WWOX: variants seen among roughly 807,000 people sequenced by gnomAD.
The protein encoded by WWOX is WW domain-containing oxidoreductase.
Under a neutral mutation model 46.2 loss-of-function variants are expected in WWOX, and 69 were observed. The ratio of observed to expected loss-of-function variants is 1.49; its 90% CI spans 1.23 to 1.82. The LOEUF (loss-of-function observed/expected upper bound fraction) is 1.82, where lower values mean the gene tolerates loss of function less well. Ranked by LOEUF, WWOX falls within the 40% of genes most tolerant of loss-of-function variation. The probability of loss-of-function intolerance (pLI) is 0.00; values close to 1 mark genes in which losing one functional copy is unlikely to be tolerated. For missense variants in WWOX, 919 were observed against 542.6 expected, an observed-to-expected ratio of 1.69 and a Z score of -6.89; for synonymous variants, 359 against 202.6, an observed-to-expected ratio of 1.77 and a Z score of -6.56.
Position 78,788,563 on chromosome 16 carries a change from C to T in WWOX, c.1056+355811C>T, listed in dbSNP as rs536778911. Reference sequence around the variant, plus strand: ...GCTGAAGACAAGGAGGTTCCTGGAGCGTGGCTGCCTAGGAAGGGCTGGAAA... The same window carrying T: ...GCTGAAGACAAGGAGGTTCCTGGAGTGTGGCTGCCTAGGAAGGGCTGGAAA... On this transcript the variant is annotated intron_variant, in intron 8 of 8. Coordinates refer to ENST00000566780, the MANE Select transcript of WWOX (RefSeq NM_016373.4). 2.6e-5 allele frequency among the ~76,000 whole-genome samples: 4 copies of T among 152,298 alleles called. No individual in the cohort carries two copies. In the South Asian group the frequency reaches 8.3e-4, roughly 32 times the overall value.
chr16:78,732,599 G>A (rs1167616718), intron 8 of WWOX, among the ~76,000 whole-genome samples: 2 of 152,012 alleles, frequency 1.3e-5, no homozygotes, highest in African/African-American at 2.4e-5. Context: ...GTGGTAACTG[G>A]GCTATGCTCT....
chr16:78,631,956 TA>T (rs1312671006), intron 8 of WWOX, among the ~76,000 whole-genome samples: 9 of 147,978 alleles, frequency 6.1e-5, no homozygotes, highest in Admixed American at 2.6e-4. Context: ...GGAGGTGGTT[TA>T]TTTTTTTTTA....
At chr16:78,828,797 C>G (rs976366627) in intron 8 of WWOX, among the ~76,000 whole-genome samples, 1 of 152,112 alleles carries the variant, frequency 6.6e-6, no homozygotes, top group African/African-American at 2.4e-5. Flanking sequence ...GCCATTTAGC[C>G]TCAGCTGGAT....
At chr16:79,002,651 T>C (rs534209637) in intron 8 of WWOX, among the ~76,000 whole-genome samples, 8 of 152,318 alleles carry the variant, frequency 5.3e-5, no homozygotes, top group African/African-American at 1.9e-4. Flanking sequence ...GTGCTTCACT[T>C]GTGTGATCTG....
chr16:78,485,028 C>G (rs770847402), intron 8 of WWOX, among the ~76,000 whole-genome samples: 4 of 151,998 alleles, frequency 2.6e-5, no homozygotes, highest in African/African-American at 7.2e-5. Flanking sequence ...CCCTTAGAAC[C>G]AAAGATGCCC....
At chr16:78,790,534 A>G (rs1004830540) in intron 8 of WWOX, among the ~76,000 whole-genome samples, 7 of 152,218 alleles carry the variant, frequency 4.6e-5, no homozygotes, top group African/African-American at 1.7e-4. Context: ...AAAAGAGACC[A>G]GTATCTACTA....
intron 6 of WWOX, among the ~76,000 whole-genome samples, chr16:78,399,753 C>T (rs930211033): frequency 1.3e-5 from 2 of 152,178 alleles, no homozygotes; most frequent in African/African-American, 2.4e-5. Flanking sequence ...CTCCTCTTAG[C>T]ATCCTAACCA....
In WWOX at chr16:78,122,898, C is replaced by A. The variant is rs1486004766; in HGVS notation, c.409+7744C>A. On this transcript the variant is annotated intron_variant, in intron 4 of 8. Coordinates refer to ENST00000566780, the MANE Select transcript of WWOX (RefSeq NM_016373.4). ...AGGATTACAGACACTAGCCACCATG[C>A]CCGGGGGTGTTGTACATATTTCCTT... Among the ~76,000 whole-genome samples the A allele has an allele frequency of 2.0e-5, 3 of 152,108 alleles. 1 individual carries two copies. Among genetic ancestry groups the A allele is most frequent in the African/African-American group, 7.2e-5 (3 of 41,400 alleles).
At chr16:79,174,961 C>T (rs2050771434) in intron 8 of WWOX, among the ~76,000 whole-genome samples, 1 of 152,164 alleles carries the variant, frequency 6.6e-6, no homozygotes, top group African/African-American at 2.4e-5. Flanking sequence ...GGTATTCTTA[C>T]CTGGATGTGT....
At position 78,933,927 on chromosome 16, in the gene WWOX, C is replaced by T. The variant is rs149699255; in HGVS notation, c.1057-277681C>T. On this transcript the variant is annotated intron_variant, in intron 8 of 8. Coordinates refer to ENST00000566780, the MANE Select transcript of WWOX (RefSeq NM_016373.4). The stretch of plus-strand genomic sequence containing the variant: ...ATAACTATAGCTGGGTGAAGTGGCT[C>T]GCACCTGTAATCCCAGTGCTTTGGG... Among the ~76,000 whole-genome samples, 867 of 152,132 alleles carry T rather than the reference C, an allele frequency of 5.7e-3. 6 individuals are homozygous for T. The highest frequency in any genetic ancestry group is 0.017 in the African/African-American group (694 of 41,494).
chr16:79,007,335 G>A (rs953640674), intron 8 of WWOX, among the ~76,000 whole-genome samples: 2 of 152,154 alleles, frequency 1.3e-5, no homozygotes, highest in South Asian at 2.1e-4. Context: ...ATGAGGAAAG[G>A]GCTCATGATG....
At chr16:79,155,475 A>G (rs1490897135) in intron 8 of WWOX, among the ~76,000 whole-genome samples, 1 of 152,228 alleles carries the variant, frequency 6.6e-6, no homozygotes, top group Non-Finnish European at 1.5e-5. Context: ...AGGTATTCAT[A>G]TAGCATTTAA....
intron 8 of WWOX, chr16:78,873,242 T>A (rs1394294385): frequency 6.6e-6 from 1 of 152,232 alleles, no homozygotes; most frequent in Non-Finnish European, 1.5e-5. Flanking sequence ...AAAAAAAGTT[T>A]AAAAATTTGT....
chr16:78,829,228 C>T (rs1448881074), intron 8 of WWOX, among the ~76,000 whole-genome samples: 1 of 152,062 alleles, frequency 6.6e-6, no homozygotes, highest in Non-Finnish European at 1.5e-5. Context: ...TTATGGAAGC[C>T]CAGAAGTCCC....
intron 8 of WWOX, among the ~76,000 whole-genome samples, chr16:78,790,378 G>T (rs991343786): frequency 1.3e-5 from 2 of 151,984 alleles, no homozygotes; most frequent in African/African-American, 4.8e-5. Flanking sequence ...CAAGTGATTT[G>T]CCCGCCCCAG....
intron 8 of WWOX, among the ~76,000 whole-genome samples, chr16:78,594,788 ACT>A (rs1032401662): frequency 9.2e-5 from 14 of 151,388 alleles, no homozygotes; most frequent in African/African-American, 3.4e-4. Flanking sequence ...CATTCAGAAA[ACT>A]CTATAGCCTC....
intron 5 of WWOX, among the ~76,000 whole-genome samples, chr16:78,287,151 A>G (rs536078940): frequency 2.6e-5 from 4 of 152,368 alleles, no homozygotes; most frequent in South Asian, 4.1e-4. Flanking sequence ...CTGGCAATCA[A>G]CGCCATAAGG....
intron 8 of WWOX, among the ~76,000 whole-genome samples, chr16:79,083,622 G>A (rs2048801840): frequency 6.6e-6 from 1 of 152,180 alleles, no homozygotes. Flanking sequence ...AGGCTCTAAT[G>A]CACGATAAGA....
intron 5 of WWOX, among the ~76,000 whole-genome samples, chr16:78,369,502 A>T (rs74879504): frequency 0.024 from 3,583 of 152,316 alleles, 146 homozygotes; most frequent in African/African-American, 0.082. Flanking sequence ...CCTCAGGCAC[A>T]ACATGCAACC....
Sources: gnomAD v4.1 joint callset for allele counts (sites outside exome capture counted in the v4.1 genomes callset) on GRCh38, gnomAD v4.1.1 for gene constraint, MANE v1.5 for transcripts, NCBI Gene and HGNC (gene_info 2026-07-23, HGNC 2026-07-21) for gene names.